Variants in FHIT observed in about 807,000 individuals in gnomAD.
The protein encoded by FHIT is fragile histidine triad diadenosine triphosphatase.
Under a neutral mutation model 17.9 loss-of-function variants are expected in FHIT, and 19 were observed. The ratio of observed to expected loss-of-function variants is 1.06; its 90% CI spans 0.74 to 1.56. The LOEUF (loss-of-function observed/expected upper bound fraction) is 1.56, where lower values mean the gene tolerates loss of function less well. Ranked by LOEUF, FHIT falls within the 40% of genes most tolerant of loss-of-function variation. The pLI, the probability that FHIT is intolerant of heterozygous loss-of-function variation, is 0.00. For missense variants in FHIT, 248 were observed against 189.2 expected, an observed-to-expected ratio of 1.31 and a Z score of -1.82; for synonymous variants, 81 against 69.7, an observed-to-expected ratio of 1.16 and a Z score of -0.81.
At chr3:61,073,953 A>T (rs759177817) in intron 2 of FHIT, among the ~76,000 whole-genome samples, 19 of 152,206 alleles carry the variant, frequency 1.2e-4, no homozygotes, top group Non-Finnish European at 2.1e-4. Flanking sequence ...AAAACAAAGC[A>T]GCGGTTTATT....
intron 5 of FHIT, among the ~76,000 whole-genome samples, chr3:60,520,831 G>T (rs1287311671): frequency 6.6e-6 from 1 of 151,984 alleles, no homozygotes; most frequent in Non-Finnish European, 1.5e-5. Context: ...CTATGGCAAA[G>T]CAACTCTAAG....
At chr3:61,051,799 T>C (rs2034038489) in intron 2 of FHIT, among the ~76,000 whole-genome samples, 1 of 152,122 alleles carries the variant, frequency 6.6e-6, no homozygotes, top group East Asian at 1.9e-4. Context: ...TATCAAGAAG[T>C]TGTGTGTGAC....
In FHIT at chr3:60,239,022, G is replaced by A. The variant is rs375222455; in HGVS notation, c.104-224870C>T. 2.6e-5 allele frequency among the ~76,000 whole-genome samples: 4 copies of A among 152,132 alleles called. No homozygotes were observed. The South Asian group carries it at 6.2e-4, about 24-fold the overall frequency. On this transcript the variant is annotated intron_variant, in intron 5 of 9. Transcript: ENST00000492590. ...AGGAACATCCCTGGCATTTTTCTAA[G>A]AATGTATATACTTAGCCCAGGTCTG...
rs558808560 is a variant in FHIT, at chr3:60,479,714, C to T, written c.103+57146G>A. On this transcript the variant is annotated intron_variant, in intron 5 of 9. Coordinates refer to ENST00000492590, the MANE Select transcript of FHIT (RefSeq NM_002012.4). ...GCTCTACCTCCTGTCAGATCAGAGTCGGTATTAGATTCTGATAGAAGCATG... is the reference window on the plus strand; with the variant it reads ...GCTCTACCTCCTGTCAGATCAGAGTTGGTATTAGATTCTGATAGAAGCATG... Among the ~76,000 whole-genome samples the T allele has an allele frequency of 5.3e-5, 8 of 152,200 alleles. No homozygotes were observed. In the South Asian group the frequency reaches 1.2e-3, roughly 24 times the overall value.
intron 5 of FHIT, among the ~76,000 whole-genome samples, chr3:60,258,134 T>C (rs144401340): frequency 1.1e-3 from 159 of 151,366 alleles, no homozygotes; most frequent in Non-Finnish European, 1.8e-3. Flanking sequence ...CCATCATATA[T>C]CAGCAGGGGC....
intron 5 of FHIT, among the ~76,000 whole-genome samples, chr3:60,040,330 G>A (rs1388560537): frequency 6.6e-6 from 1 of 151,992 alleles, no homozygotes; most frequent in African/African-American, 2.4e-5. Context: ...ATTTTTAGTA[G>A]AGACGGGGTT....
In FHIT at chr3:60,688,834, T is replaced by G. The variant is rs75221052; in HGVS notation, c.-18+133085A>C. Among the ~76,000 whole-genome samples the G allele has an allele frequency of 5.5e-3, 838 of 152,324 alleles. 9 individuals are homozygous for G. The highest frequency in any genetic ancestry group is 0.019 in the African/African-American group (776 of 41,580). ...TAACACTGTAATCTTATTTCATGCT[T>G]TGTGTAGTTTATGCTTTACTCTTTT... On this transcript the variant is annotated intron_variant, in intron 4 of 9. Transcript: ENST00000492590.
chr3:59,923,111 A>G (rs1705488394), intron 7 of FHIT, among the ~76,000 whole-genome samples: 1 of 151,398 alleles, frequency 6.6e-6, no homozygotes, highest in Admixed American at 6.6e-5. Flanking sequence ...TACAAAAACA[A>G]AAACTTAGGA....
chr3:60,202,758 G>C (rs560228571), intron 5 of FHIT, among the ~76,000 whole-genome samples: 2 of 152,268 alleles, frequency 1.3e-5, no homozygotes, highest in South Asian at 2.1e-4. Context: ...CATCAACTTT[G>C]TAAGATCAAA....
intron 5 of FHIT, among the ~76,000 whole-genome samples, chr3:60,102,803 G>A (rs531055776): frequency 1.1e-4 from 17 of 152,106 alleles, no homozygotes; most frequent in Admixed American, 1.0e-3. Flanking sequence ...AGAATGTGCA[G>A]GATAATTTTC....
chr3:60,190,621 G>A (rs566789357), intron 5 of FHIT, among the ~76,000 whole-genome samples: 4 of 151,890 alleles, frequency 2.6e-5, no homozygotes, highest in African/African-American at 2.4e-5. Context: ...GTTGTGGGGT[G>A]GGGGAGCAGG....
intron 4 of FHIT, among the ~76,000 whole-genome samples, chr3:60,673,586 C>T (rs1336600898): frequency 6.6e-6 from 1 of 151,966 alleles, no homozygotes; most frequent in South Asian, 2.1e-4. Flanking sequence ...TGGCTTAATA[C>T]CTAGGTGATG....
intron 4 of FHIT, among the ~76,000 whole-genome samples, chr3:60,782,114 G>A (rs924656651): frequency 2.6e-5 from 4 of 152,022 alleles, no homozygotes; most frequent in Non-Finnish European, 5.9e-5. Flanking sequence ...TATGGTATTT[G>A]TTTTTCTTTG....
chr3:60,569,289 G>T (rs559720111), intron 4 of FHIT, among the ~76,000 whole-genome samples: 1 of 152,188 alleles, frequency 6.6e-6, no homozygotes, highest in East Asian at 1.9e-4. Flanking sequence ...GTACTTCTAA[G>T]GATACCTCCT....
intron 3 of FHIT, among the ~76,000 whole-genome samples, chr3:61,008,065 C>T (rs1559905402): frequency 6.6e-6 from 1 of 152,192 alleles, no homozygotes; most frequent in Non-Finnish European, 1.5e-5. Context: ...CCCTCACTCC[C>T]TTCCTGGTTT....
intron 4 of FHIT, among the ~76,000 whole-genome samples, chr3:60,705,552 C>T (rs554069212): frequency 2.6e-4 from 39 of 152,280 alleles, no homozygotes; most frequent in African/African-American, 8.9e-4. Context: ...TGAAATTCAA[C>T]GTTGGTCTCT....
chr3:61,235,566 G>A (rs957727360), intron 1 of FHIT, among the ~76,000 whole-genome samples: 10 of 152,128 alleles, frequency 6.6e-5, no homozygotes, highest in Non-Finnish European at 1.2e-4. Context: ...GCTGGGTGCA[G>A]TGGCGCATGC....
intron 2 of FHIT, among the ~76,000 whole-genome samples, chr3:61,048,217 A>G (rs1299931698): frequency 6.6e-6 from 1 of 152,256 alleles, no homozygotes; most frequent in African/African-American, 2.4e-5. Context: ...AATTTTTGCA[A>G]TCTACCCATC....
intron 1 of FHIT, among the ~76,000 whole-genome samples, chr3:61,223,040 T>G (rs1460788961): frequency 6.6e-6 from 1 of 152,226 alleles, no homozygotes; most frequent in African/African-American, 2.4e-5. Flanking sequence ...TCCTTCTGCA[T>G]TCATTATCTC....
Sources: allele counts gnomAD v4.1 joint callset (sites outside exome capture counted in the v4.1 genomes callset), GRCh38; gene constraint gnomAD v4.1.1; transcripts MANE v1.5; gene names NCBI Gene and HGNC (gene_info 2026-07-23, HGNC 2026-07-21).